The following PTPN14 variants were observed in gnomAD, a reference collection of about 807,000 sequenced individuals.
PTPN14 encodes tyrosine-protein phosphatase non-receptor type 14.
Under a neutral mutation model 126.8 loss-of-function variants are expected in PTPN14, and 53 were observed. The ratio of observed to expected loss-of-function variants is 0.42; its 90% CI spans 0.34 to 0.53. The LOEUF is 0.53. Among genes scored for constraint, PTPN14 ranks in the 20% least tolerant of loss-of-function variants. The probability of loss-of-function intolerance (pLI) is 0.08; values close to 1 mark genes in which losing one functional copy is unlikely to be tolerated. For synonymous variants in PTPN14, 630 were observed against 599.3 expected (o/e 1.05, Z -0.75); for missense variants, 1,257 against 1,552.9 (o/e 0.81, Z 3.20).
chr1:214,369,715 T>C (rs1208218646), intron 16 of PTPN14, 24 bp from the exon 17 acceptor site: 5 of 1,595,804 alleles, frequency 3.1e-6, no homozygotes, highest in Non-Finnish European at 2.6e-6. Context: ...AAAAGCAAAA[T>C]TGGAAATAGG....
chr1:214,529,630 T>A (rs1027187774), intron 1 of PTPN14: 2 of 152,244 alleles, frequency 1.3e-5, no homozygotes, highest in Admixed American at 1.3e-4. Flanking sequence ...ATGCCTGTAG[T>A]CCCAGCACTT....
At chr1:214,379,960 G>C (rs1314170096) in intron 13 of PTPN14, among the ~76,000 whole-genome samples, 1 of 152,210 alleles carries the variant, frequency 6.6e-6, no homozygotes, top group Non-Finnish European at 1.5e-5. Flanking sequence ...TACATTAACT[G>C]AGACCTGTCT....
rs113930303 is a variant in PTPN14, at chr1:214,364,770, T to A, written c.3272-95A>T. 1.0e-3 allele frequency: 401 copies of A among 387,728 alleles called. 1 individual carries two copies. The highest frequency in any genetic ancestry group is 2.6e-3 in the African/African-American group (99 of 38,344). 24.0% of individuals were successfully genotyped at this position (387,728 alleles called of 1,614,324 possible). On this transcript the variant is annotated intron_variant, in intron 17 of 18. Coordinates refer to ENST00000366956, the MANE Select transcript of PTPN14 (RefSeq NM_005401.5). This position sits in a 1 kb window ranked among gnomAD's most constrained non-coding sequence, Gnocchi z 4.1. ...AGCGGAAGAGAACTGATGGTGAGTG[T>A]GTGTGTGTGTGTGTGTGTGTGTGTG...
chr1:214,385,097 C>A (rs892009158), intron 12 of PTPN14, among the ~76,000 whole-genome samples: 1 of 152,160 alleles, frequency 6.6e-6, no homozygotes, highest in African/African-American at 2.4e-5. Flanking sequence ...CAGGCACCAA[C>A]AACAGCCCTC....
chr1:214,477,526 T>C (rs796409863), intron 1 of PTPN14, among the ~76,000 whole-genome samples: 6 of 152,216 alleles, frequency 3.9e-5, no homozygotes, highest in African/African-American at 1.4e-4. Context: ...AAAAAGAACC[T>C]GTCTAATGCT....
At chr1:214,460,710 G>A (rs1297645144) in intron 2 of PTPN14, among the ~76,000 whole-genome samples, 5 of 152,076 alleles carry the variant, frequency 3.3e-5, no homozygotes. Flanking sequence ...CGCAGCACAA[G>A]CAGTTCCCCT....
chr1:214,507,488 A>G (rs1354212457), intron 1 of PTPN14, among the ~76,000 whole-genome samples: 2 of 152,242 alleles, frequency 1.3e-5, no homozygotes, highest in Non-Finnish European at 2.9e-5. Flanking sequence ...AGCTCATCCT[A>G]GAAGAACACT....
intron 18 of PTPN14, among the ~76,000 whole-genome samples, chr1:214,362,049 G>A (rs1657968436): frequency 7.2e-6 from 1 of 139,142 alleles, no homozygotes; most frequent in Non-Finnish European, 1.5e-5. Context: ...GTGGAAAGAA[G>A]GCAGGGGAGT....
chr1:214,528,077 G>A (rs184505390), intron 1 of PTPN14, among the ~76,000 whole-genome samples: 1 of 152,246 alleles, frequency 6.6e-6, no homozygotes, highest in Admixed American at 6.5e-5. Context: ...TAATATTCAT[G>A]TATAAAACAA....
At chr1:214,417,864 G>A (rs1181980975) in intron 3 of PTPN14, among the ~76,000 whole-genome samples, 2 of 152,042 alleles carry the variant, frequency 1.3e-5, no homozygotes. Context: ...CAGTTCAGCA[G>A]ACGTGCCCAA....
At chr1:214,445,402 G>T (rs916216750) in intron 3 of PTPN14, among the ~76,000 whole-genome samples, 5 of 152,112 alleles carry the variant, frequency 3.3e-5, no homozygotes, top group African/African-American at 4.8e-5. Flanking sequence ...TTAATAGGGT[G>T]GACAGCCCCA....
In PTPN14 at chr1:214,348,862, CTT is replaced by C. The variant is rs1329019830; in HGVS notation, c.*9058_*9059del. The C allele has an allele frequency of 1.3e-5, 2 of 152,102 alleles. No homozygotes were observed. Among genetic ancestry groups the C allele is most frequent in the African/African-American group, 2.4e-5 (1 of 41,426 alleles). 9.4% of individuals were successfully genotyped at this position (152,102 alleles called of 1,614,324 possible). Reference sequence around the variant, plus strand: ...AACAAGGTCCAATATCTAAATAAGACTTTATAAAAACAGATAGGAAACAGTGC... The same window carrying C: ...AACAAGGTCCAATATCTAAATAAGACTATAAAAACAGATAGGAAACAGTGC... On this transcript the variant is annotated 3_prime_UTR_variant, in exon 19 of 19. Coordinates refer to ENST00000366956, the MANE Select transcript of PTPN14 (RefSeq NM_005401.5).
At chr1:214,418,147 C>T (rs139277523) in intron 3 of PTPN14, among the ~76,000 whole-genome samples, 3 of 152,298 alleles carry the variant, frequency 2.0e-5, no homozygotes, top group South Asian at 2.1e-4. Flanking sequence ...AGCCAGTGAC[C>T]GGTTCTCCAC....
Position 214,364,452 on chromosome 1 carries a change from GC to G in PTPN14, c.3435+59del. ...ATGCAAGGGTGCAGGCAAAGGTTTG[GC>G]CAGGGTGTAGACTTGTCCCCAAGGT... On this transcript the variant is annotated intron_variant, in intron 18 of 18. Coordinates refer to ENST00000366956, the MANE Select transcript of PTPN14 (RefSeq NM_005401.5). This position sits in a 1 kb window ranked among gnomAD's most constrained non-coding sequence, Gnocchi z 4.1. 6.4e-7 allele frequency: 1 copy of G among 1,560,924 alleles called. No individual in the cohort carries two copies. Among genetic ancestry groups the G allele is most frequent in the Non-Finnish European group, 8.7e-7 (1 of 1,149,216 alleles).
chr1:214,409,103 G>A (rs1235600085), intron 5 of PTPN14, among the ~76,000 whole-genome samples: 1 of 152,158 alleles, frequency 6.6e-6, no homozygotes, highest in African/African-American at 2.4e-5. Context: ...TCTTTGTGGT[G>A]AGAACATTTA....
intron 5 of PTPN14, among the ~76,000 whole-genome samples, chr1:214,404,241 T>C (rs932192273): frequency 6.6e-6 from 1 of 152,228 alleles, no homozygotes; most frequent in Admixed American, 6.5e-5. Flanking sequence ...AAAAATTCTA[T>C]AGCTCTGCAC....
At position 214,540,050 on chromosome 1, in the gene PTPN14, T is replaced by G. The variant is rs1571658335; in HGVS notation, c.-155+11133A>C. On this transcript the variant is annotated intron_variant, in intron 1 of 18. Transcript: ENST00000366956. The stretch of plus-strand genomic sequence containing the variant: ...CACATCAGTCCCATTTTTCCCCTCA[T>G]AAATCACATAATTATATAATATTCC... 2.0e-5 allele frequency among the ~76,000 whole-genome samples: 3 copies of G among 152,336 alleles called. No individual in the cohort carries two copies. In the East Asian group the frequency reaches 5.8e-4, roughly 29 times the overall value.
At chr1:214,441,902 G>A (rs1660044098) in intron 3 of PTPN14, among the ~76,000 whole-genome samples, 1 of 152,130 alleles carries the variant, frequency 6.6e-6, no homozygotes, top group Non-Finnish European at 1.5e-5. Context: ...GAGTTCAATT[G>A]TTTAATCTTT....
At chr1:214,494,667 G>A (rs1463262971) in intron 1 of PTPN14, among the ~76,000 whole-genome samples, 1 of 152,124 alleles carries the variant, frequency 6.6e-6, no homozygotes, top group African/African-American at 2.4e-5. Flanking sequence ...TATAAATGAA[G>A]CTTTACATGA....
Sources: gnomAD v4.1 joint callset for allele counts (sites outside exome capture counted in the v4.1 genomes callset) on GRCh38, gnomAD v4.1.1 for gene constraint, Gnocchi (gnomAD v3.1) non-coding constraint, MANE v1.5 for transcripts, NCBI Gene and HGNC (gene_info 2026-07-23, HGNC 2026-07-21) for gene names.